The following CREB5 variants were observed in gnomAD, a reference collection of about 807,000 sequenced individuals.
CREB5 encodes the protein cAMP responsive element binding protein 5.
A neutral mutation model predicts 57.1 loss-of-function variants in CREB5; 19 were observed. That is an observed-to-expected ratio of 0.33 (90% CI 0.23 to 0.49). CREB5 has a LOEUF of 0.49. Among genes scored for constraint, CREB5 ranks in the 20% least tolerant of loss-of-function variants. The pLI is 0.99. For synonymous variants in CREB5, 238 were observed against 238.3 expected (o/e 1.00, Z 0.01); for missense variants, 579 against 671.6 (o/e 0.86, Z 1.52).
At chr7:28,563,326 C>T (rs1469545007) in intron 4 of CREB5, among the ~76,000 whole-genome samples, 1 of 152,246 alleles carries the variant, frequency 6.6e-6, no homozygotes, top group Non-Finnish European at 1.5e-5. Context: ...GATGCTAATC[C>T]TGTCCTTTCG....
intron 4 of CREB5, among the ~76,000 whole-genome samples, chr7:28,534,253 T>G (rs893711456): frequency 1.3e-5 from 2 of 152,248 alleles, no homozygotes; most frequent in Non-Finnish European, 2.9e-5. Context: ...GAGATTACTC[T>G]GTGTGCTGAA....
chr7:28,779,588 T>C (rs1402509709), intron 7 of CREB5, among the ~76,000 whole-genome samples: 1 of 152,180 alleles, frequency 6.6e-6, no homozygotes, highest in African/African-American at 2.4e-5. Context: ...TGCTTTTGGT[T>C]AGGAAGGTAG....
intron 1 of CREB5, among the ~76,000 whole-genome samples, chr7:28,460,862 G>T (rs569887166): frequency 6.6e-6 from 1 of 152,108 alleles, no homozygotes; most frequent in South Asian, 2.1e-4. Context: ...AAAAGGAGAA[G>T]AAAGCCTGGA....
At chr7:28,390,042 G>C (rs1404040397) in intron 1 of CREB5, among the ~76,000 whole-genome samples, 2 of 129,048 alleles carry the variant, frequency 1.5e-5, no homozygotes, top group African/African-American at 2.9e-5. Flanking sequence ...TCAAGTAGGA[G>C]GGTTTTTTTT....
intron 7 of CREB5, among the ~76,000 whole-genome samples, chr7:28,730,599 T>A (rs1205656932): frequency 6.6e-6 from 1 of 152,210 alleles, no homozygotes; most frequent in Non-Finnish European, 1.5e-5. Context: ...ACTGGGCTCC[T>A]GGTTCTAGCC....
rs569085101 is a variant in CREB5, at chr7:28,383,965, C to G, written c.-25+84524C>G. Among the ~76,000 whole-genome samples, 56 of 152,268 alleles carry G rather than the reference C, an allele frequency of 3.7e-4. No homozygotes were observed. The Middle Eastern group carries it at 0.02, about 55-fold the overall frequency. ...GAAGGGGTGAAATAACCTCATTGCT[C>G]TTTACATTTTAAGGAGTCCTTATTT... On this transcript the variant is annotated intron_variant, in intron 1 of 9. Transcript: ENST00000396299.
At chr7:28,429,394 G>T (rs956325573) in intron 1 of CREB5, among the ~76,000 whole-genome samples, 1 of 152,120 alleles carries the variant, frequency 6.6e-6, no homozygotes, top group Non-Finnish European at 1.5e-5. Flanking sequence ...AGCATATTTT[G>T]TTCATCACCA....
intron 3 of CREB5, among the ~76,000 whole-genome samples, chr7:28,497,961 A>C (rs217496): frequency 0.29 from 44,089 of 152,042 alleles, 7,353 homozygotes; most frequent in Non-Finnish European, 0.36. Flanking sequence ...TTTGTAGGCC[A>C]AATTAGTTTG....
intron 1 of CREB5, among the ~76,000 whole-genome samples, chr7:28,378,595 A>G (rs533269653): frequency 2.6e-5 from 4 of 152,264 alleles, no homozygotes; most frequent in South Asian, 4.1e-4. Flanking sequence ...TTTATCTGAC[A>G]TTTAATGAAT....
intron 4 of CREB5, among the ~76,000 whole-genome samples, chr7:28,544,198 A>G (rs1259855280): frequency 6.6e-6 from 1 of 152,068 alleles, no homozygotes; most frequent in Non-Finnish European, 1.5e-5. Flanking sequence ...TCATTGCTTT[A>G]TAGTTACATT....
chr7:28,710,811 T>C (rs74896486), intron 5 of CREB5, among the ~76,000 whole-genome samples: 5,141 of 152,258 alleles, frequency 0.034, 209 homozygotes, highest in Admixed American at 0.091. Flanking sequence ...GCACCAAGCC[T>C]GACACATATT....
At chr7:28,426,707 T>A (rs1241751770) in intron 1 of CREB5, among the ~76,000 whole-genome samples, 2 of 152,232 alleles carry the variant, frequency 1.3e-5, no homozygotes, top group Non-Finnish European at 2.9e-5. Context: ...AATTCCTTAG[T>A]GCTTTGTTAA....
intron 1 of CREB5, among the ~76,000 whole-genome samples, chr7:28,307,561 A>C (rs7783193): frequency 6.6e-6 from 1 of 152,226 alleles, no homozygotes; most frequent in African/African-American, 2.4e-5. Flanking sequence ...GTGTTTTACT[A>C]TAGCAGCACA....
chr7:28,636,194 A>G (rs1798411490), intron 5 of CREB5, among the ~76,000 whole-genome samples: 2 of 152,200 alleles, frequency 1.3e-5, no homozygotes, highest in Admixed American at 1.3e-4. Context: ...GAAGGGCAGG[A>G]TCACACAGCT....
At chr7:28,526,837 T>C (rs1287199557) in intron 4 of CREB5, among the ~76,000 whole-genome samples, 1 of 152,224 alleles carries the variant, frequency 6.6e-6, no homozygotes, top group African/African-American at 2.4e-5. Context: ...CTGAATGGTA[T>C]AATCATTCAT....
At chr7:28,737,560 TA>T (rs1562606528) in intron 7 of CREB5, among the ~76,000 whole-genome samples, 34 of 107,490 alleles carry the variant, frequency 3.2e-4, no homozygotes, top group Non-Finnish European at 6.3e-4. Context: ...TATATATATA[TA>T]TATATATATA....
intron 5 of CREB5, among the ~76,000 whole-genome samples, chr7:28,623,491 G>T (rs563863269): frequency 6.6e-6 from 1 of 152,302 alleles, no homozygotes; most frequent in Non-Finnish European, 1.5e-5. Context: ...TCAGGCCAGA[G>T]TTTAGTTCAT....
intron 1 of CREB5, among the ~76,000 whole-genome samples, chr7:28,421,478 A>T (rs1461139900): frequency 2.0e-5 from 3 of 152,044 alleles, no homozygotes; most frequent in Non-Finnish European, 4.4e-5. Context: ...CATCCACTTT[A>T]CTGTCATAAT....
intron 7 of CREB5, among the ~76,000 whole-genome samples, chr7:28,762,087 C>G (rs1319509667): frequency 6.6e-6 from 1 of 152,070 alleles, no homozygotes; most frequent in Non-Finnish European, 1.5e-5. Context: ...TAAATGAAAG[C>G]TTTATATATT....
Sources: allele counts gnomAD v4.1 joint callset (sites outside exome capture counted in the v4.1 genomes callset), GRCh38; gene constraint gnomAD v4.1.1; transcripts MANE v1.5; gene names NCBI Gene and HGNC (gene_info 2026-07-23, HGNC 2026-07-21).